The following PATJ variants were observed in gnomAD, a reference collection of about 807,000 sequenced individuals.
PATJ encodes the protein PATJ crumbs cell polarity complex component.
Under a neutral mutation model 224.9 loss-of-function variants are expected in PATJ, and 190 were observed. The observed-to-expected ratio is 0.84, with a 90% confidence interval of 0.75 to 0.95. PATJ has a LOEUF of 0.95. Ranked by LOEUF, PATJ falls within the 40% of genes least tolerant of loss-of-function variation. PATJ has a pLI of 0.00. For synonymous variants in PATJ, 769 were observed against 820.3 expected, an observed-to-expected ratio of 0.94 and a Z score of 1.07; for missense variants, 2,121 against 2,270.3, an observed-to-expected ratio of 0.93 and a Z score of 1.34.
At chr1:61,983,105 T>G (rs1644540239) in intron 27 of PATJ, among the ~76,000 whole-genome samples, 1 of 152,002 alleles carries the variant, frequency 6.6e-6, no homozygotes, top group Non-Finnish European at 1.5e-5. Context: ...TCTTAGTTCC[T>G]TTTGCCTGAA....
In PATJ at chr1:61,861,284, C is replaced by CTTTTTTTTTTTTTTTTT; in HGVS notation, c.2323-260_2323-244dup. ...TGAAACCAGGATATTTTCTTTCTTT[C>CTTTTTTTTTTTTTTTTT]TTTTTTTTTTTTTTTTTTTTTTTAC... On this transcript the variant is annotated intron_variant, in intron 18 of 43. Transcript: ENST00000642238. Among the ~76,000 whole-genome samples, 437 of 48,760 alleles carry CTTTTTTTTTTTTTTTTT rather than the reference C, an allele frequency of 9.0e-3. 42 individuals carry two copies. The highest frequency in any genetic ancestry group is 0.012 in the Non-Finnish European group (292 of 23,702). 32.0% of individuals were successfully genotyped at this position (48,760 alleles called of 152,430 possible).
chr1:62,000,286 G>A (rs1645676965), intron 28 of PATJ, among the ~76,000 whole-genome samples: 1 of 149,922 alleles, frequency 6.7e-6, no homozygotes, highest in African/African-American at 2.5e-5. Flanking sequence ...CCATGCTGGT[G>A]TGCTGCACCC....
chr1:62,088,790 A>G (rs1660347939), intron 33 of PATJ, among the ~76,000 whole-genome samples: 1 of 149,402 alleles, frequency 6.7e-6, no homozygotes, highest in Admixed American at 6.7e-5. Context: ...TATCTTATAA[A>G]CAGTAGAATA....
intron 31 of PATJ, among the ~76,000 whole-genome samples, chr1:62,065,711 TGCCCAGAAG>T (rs1265544600): frequency 1.3e-5 from 2 of 152,240 alleles, no homozygotes; most frequent in Non-Finnish European, 2.9e-5. Flanking sequence ...AAATTTAACT[TGCCCAGAAG>T]GAATCACTTG....
At chr1:61,759,207 A>G (rs890785372) in intron 1 of PATJ, among the ~76,000 whole-genome samples, 44 of 151,706 alleles carry the variant, frequency 2.9e-4, no homozygotes, top group African/African-American at 1.0e-3. Flanking sequence ...TTTTTTTGCA[A>G]TTTTTTTTAA....
chr1:62,123,078 G>A lies in PATJ; in HGVS notation c.5043+20G>A, dbSNP rs1034377657. 1 of 1,576,274 alleles carries A rather than the reference G, an allele frequency of 6.3e-7. No homozygotes were observed. Among genetic ancestry groups the A allele is most frequent in the Non-Finnish European group, 8.7e-7 (1 of 1,151,618 alleles). ...AACAGGGTAAGTCAGTCATTTTGCT[G>A]TATGTATTTTTCTGGTTTGTGTTGG... On this transcript the variant is annotated intron_variant, in intron 39 of 43. Coordinates refer to ENST00000642238, the MANE Select transcript of PATJ (RefSeq NM_001350145.3).
At chr1:61,920,460 G>T (rs149390750) in intron 26 of PATJ, among the ~76,000 whole-genome samples, 1 of 151,942 alleles carries the variant, frequency 6.6e-6, no homozygotes, top group Non-Finnish European at 1.5e-5. Flanking sequence ...CTTGCTTTCC[G>T]CCATGATTAT....
At chr1:62,036,347 A>G (rs1558074175) in intron 29 of PATJ, among the ~76,000 whole-genome samples, 1 of 152,176 alleles carries the variant, frequency 6.6e-6, no homozygotes, top group Non-Finnish European at 1.5e-5. Flanking sequence ...TAGTGGTTGG[A>G]AGTACAGATG....
rs868703258 is a variant in PATJ at position 62,067,128 on chromosome 1, T to C, written c.4126-12322T>C. Among the ~76,000 whole-genome samples, 627 of 140,346 alleles carry C rather than the reference T, an allele frequency of 4.5e-3. 5 individuals carry two copies. Among genetic ancestry groups the C allele is most frequent in the African/African-American group, 0.016 (580 of 36,480 alleles). The allele number at this position is 140,346 out of a possible 152,430, so 92.1% of individuals were successfully genotyped here. On this transcript the variant is annotated intron_variant, in intron 31 of 43. Transcript: ENST00000642238. ...TCTCATAATTCCTATTCTTTCTTTT[T>C]TTTTTTTTTTTTTTTTGAGATGGAG...
intron 25 of PATJ, among the ~76,000 whole-genome samples, chr1:61,912,194 C>T (rs910675233): frequency 1.3e-5 from 2 of 152,030 alleles, no homozygotes; most frequent in East Asian, 1.9e-4. Flanking sequence ...TTTACTTTCA[C>T]GAGAAATACA....
In PATJ at chr1:62,135,510, C is replaced by T. The variant is rs111515340; in HGVS notation, c.5271+6565C>T. Among the ~76,000 whole-genome samples the T allele has an allele frequency of 7.4e-3, 671 of 90,320 alleles. 8 individuals carry two copies. Among genetic ancestry groups the T allele is most frequent in the African/African-American group, 0.027 (579 of 21,396 alleles). The allele number at this position is 90,320 out of a possible 152,430, so 59.3% of individuals were successfully genotyped here. A position where few individuals can be genotyped will look rare whatever the true frequency, so the allele number is the denominator to read the frequency against. ...CATCCTGGGTGACAGAGCGAGACTC[C>T]GTCTCAAAAAAAAAAAAAAAAAAAA... On this transcript the variant is annotated intron_variant, in intron 41 of 43. Coordinates refer to ENST00000642238, the MANE Select transcript of PATJ (RefSeq NM_001350145.3).
intron 3 of PATJ, among the ~76,000 whole-genome samples, chr1:61,763,523 A>G: frequency 6.8e-6 from 1 of 146,692 alleles, no homozygotes; most frequent in East Asian, 2.0e-4. Flanking sequence ...CAGAGTTGAG[A>G]CCCTGTCTCA....
At chr1:62,007,936 T>G (rs1185081929) in intron 28 of PATJ, among the ~76,000 whole-genome samples, 1 of 152,156 alleles carries the variant, frequency 6.6e-6, no homozygotes, top group East Asian at 1.9e-4. Context: ...ACATAAAAAT[T>G]CAGCCCATAA....
intron 42 of PATJ, among the ~76,000 whole-genome samples, chr1:62,149,870 T>C (rs1668449244): frequency 6.6e-6 from 1 of 152,086 alleles, no homozygotes; most frequent in South Asian, 2.1e-4. Flanking sequence ...GAAAATGTTA[T>C]GATATTGTGA....
chr1:61,822,820 CT>C, intron 14 of PATJ, 124 bp from the exon 15 acceptor site: 2 of 1,132,138 alleles, frequency 1.8e-6, no homozygotes, highest in East Asian at 4.8e-5. Context: ...TTATTGTCCT[CT>C]TTTAGGATTT....
intron 21 of PATJ, among the ~76,000 whole-genome samples, chr1:61,881,522 G>A (rs555409084): frequency 2.7e-5 from 4 of 149,914 alleles, no homozygotes; most frequent in African/African-American, 4.9e-5. Context: ...AGAGATTCTC[G>A]TGCCTCAGCC....
intron 25 of PATJ, 51 bp from the exon 26 acceptor site, chr1:61,914,536 T>G: frequency 6.0e-6 from 5 of 839,902 alleles, no homozygotes; most frequent in Non-Finnish European, 7.8e-6. Context: ...AAAGGAATGA[T>G]TATGTCGTTT....
At chr1:61,965,332 C>G (rs1681975738) in intron 27 of PATJ, among the ~76,000 whole-genome samples, 1 of 151,808 alleles carries the variant, frequency 6.6e-6, no homozygotes, top group African/African-American at 2.4e-5. Context: ...AAAGCCTGTA[C>G]TGTGCCTAAA....
rs772793271 is a variant in PATJ at position 61,864,556 on chromosome 1, G to A, written c.2758G>A (p.Glu920Lys). Residue 920 changes from glutamate (E) to lysine (K), a missense_variant, in exon 20 of 44, where the codon GAG becomes AAG. Transcript: ENST00000642238. The stretch of plus-strand genomic sequence containing the variant: ...GTGGTTGCATGATAATGAACCATCC[G>A]AGTCTCAAGAGGCAAGAACCGGGAG... ...TQWLHDNEPS[E>K]SQEARTGRTV... is the part of the protein sequence containing the mutation. The A allele has an allele frequency of 1.4e-5, 22 of 1,612,690 alleles. No homozygotes were observed. The highest frequency in any genetic ancestry group is 5.0e-5 in the Admixed American group (3 of 59,994).
Sources: allele counts gnomAD v4.1 joint callset (sites outside exome capture counted in the v4.1 genomes callset), GRCh38; gene constraint gnomAD v4.1.1; transcripts MANE v1.5; gene names NCBI Gene and HGNC (gene_info 2026-07-23, HGNC 2026-07-21).